The following BRINP3 variants were observed in gnomAD, a reference collection of about 807,000 sequenced individuals.
BRINP3 encodes the protein BMP/retinoic acid inducible neural specific 3, also known as BMP/retinoic acid-inducible neural-specific protein 3.
BRINP3 carries 19 observed loss-of-function variants against 71.0 expected under a neutral mutation model. The ratio of observed to expected loss-of-function variants is 0.27; its 90% confidence interval spans 0.19 to 0.39. The LOEUF is 0.39. Among genes scored for constraint, BRINP3 ranks in the 10% least tolerant of loss-of-function variants. The pLI is 1.00. For missense variants in BRINP3, 959 were observed against 940.8 expected (o/e 1.02, Z -0.25); for synonymous variants, 380 against 337.7 (o/e 1.13, Z -1.37).
Position 190,137,266 on chromosome 1 carries a change from G to A in BRINP3, c.1184+23402C>T, listed in dbSNP as rs77520047. Among the ~76,000 whole-genome samples, 269 of 152,146 alleles carry A rather than the reference G, an allele frequency of 1.8e-3. 2 individuals are homozygous for A. The highest frequency in any genetic ancestry group is 5.9e-3 in the African/African-American group (246 of 41,534). ...GAGCTATGAAGAATTATAGATGAAA[G>A]AGAGCAAATAAGGATGCCAGTTTAT... is the stretch of plus-strand genomic sequence containing the variant. On this transcript the variant is annotated intron_variant, in intron 7 of 7. Coordinates refer to ENST00000367462, the MANE Select transcript of BRINP3 (RefSeq NM_199051.3).
At chr1:190,406,521 T>C (rs1159541401) in intron 2 of BRINP3, among the ~76,000 whole-genome samples, 3 of 152,186 alleles carry the variant, frequency 2.0e-5, no homozygotes, top group East Asian at 1.9e-4. Flanking sequence ...AGTTTGACTT[T>C]TCATCTACTT....
rs752554593 is a variant in BRINP3, at chr1:190,265,064, A to G, written c.428-9T>C. The G allele has an allele frequency of 4.8e-5, 76 of 1,579,614 alleles. 3 individuals carry two copies. In the South Asian group the frequency reaches 8.7e-4, roughly 18 times the overall value. On this transcript the variant is annotated splice_polypyrimidine_tract_variant and intron_variant, in intron 3 of 7. Transcript: ENST00000367462. ...TGTGAGTGACTCCTCTCCTGCATTAATAATATTTCAAATTATTCAATTTTC... is the reference window on the plus strand; with the variant it reads ...TGTGAGTGACTCCTCTCCTGCATTAGTAATATTTCAAATTATTCAATTTTC...
At chr1:190,370,505 A>G (rs1334174596) in intron 2 of BRINP3, among the ~76,000 whole-genome samples, 1 of 152,220 alleles carries the variant, frequency 6.6e-6, no homozygotes, top group Non-Finnish European at 1.5e-5. Context: ...AAAATATATA[A>G]CAGTGGATTC....
intron 2 of BRINP3, among the ~76,000 whole-genome samples, chr1:190,312,017 C>A (rs1665556723): frequency 9.3e-6 from 1 of 106,992 alleles, no homozygotes; most frequent in Non-Finnish European, 1.9e-5. Flanking sequence ...ATAAAAAATA[C>A]ATGATATTTG....
At chr1:190,425,700 C>T (rs1458594953) in intron 2 of BRINP3, among the ~76,000 whole-genome samples, 5 of 151,764 alleles carry the variant, frequency 3.3e-5, no homozygotes, top group Non-Finnish European at 3.0e-5. Flanking sequence ...GGCTTAGCCA[C>T]GTACAATGTT....
chr1:190,204,591 CA>C (rs2102626133), intron 6 of BRINP3, among the ~76,000 whole-genome samples: 1 of 151,902 alleles, frequency 6.6e-6, no homozygotes, highest in African/African-American at 2.4e-5. Flanking sequence ...CTTCAGAAAA[CA>C]TGAATAATCT....
In BRINP3 at chr1:190,456,362, G is replaced by A. The variant is rs557021216; in HGVS notation, c.-50-1422C>T. ...AATCATATGAGTTGCTCACTGAGGG[G>A]ATTAAAGCGTACCGTCTTTTGTAAA... On this transcript the variant is annotated intron_variant, in intron 1 of 7. Coordinates refer to ENST00000367462, the MANE Select transcript of BRINP3 (RefSeq NM_199051.3). Among the ~76,000 whole-genome samples the A allele has an allele frequency of 2.6e-5, 4 of 152,152 alleles. No homozygotes were observed. In the South Asian group the frequency reaches 8.3e-4, roughly 31 times the overall value.
chr1:190,435,819 T>C (rs1037753715), intron 2 of BRINP3, among the ~76,000 whole-genome samples: 45 of 152,140 alleles, frequency 3.0e-4, no homozygotes, highest in Admixed American at 6.5e-4. Context: ...GACAAGTTTA[T>C]TGTTAGAGAA....
At chr1:190,396,569 A>C (rs1199349121) in intron 2 of BRINP3, among the ~76,000 whole-genome samples, 1 of 151,468 alleles carries the variant, frequency 6.6e-6, no homozygotes, top group East Asian at 1.9e-4. Context: ...AGTGGCCATC[A>C]ATTATTTTCT....
intron 7 of BRINP3, among the ~76,000 whole-genome samples, chr1:190,133,356 C>T (rs1211681303): frequency 6.6e-6 from 1 of 151,978 alleles, no homozygotes; most frequent in Non-Finnish European, 1.5e-5. Context: ...TACTGTCTTA[C>T]TGAAAATAAA....
intron 7 of BRINP3, among the ~76,000 whole-genome samples, chr1:190,158,057 A>T (rs1423356721): frequency 6.6e-6 from 1 of 152,124 alleles, no homozygotes; most frequent in Non-Finnish European, 1.5e-5. Context: ...GTGGGAACTG[A>T]TATAGTTTGG....
At chr1:190,395,459 T>C (rs993534005) in intron 2 of BRINP3, among the ~76,000 whole-genome samples, 4 of 151,786 alleles carry the variant, frequency 2.6e-5, no homozygotes, top group African/African-American at 9.7e-5. Context: ...CTCCAGATTT[T>C]CTAATGTATT....
intron 4 of BRINP3, among the ~76,000 whole-genome samples, chr1:190,248,682 A>G (rs1328114662): frequency 1.3e-5 from 2 of 151,904 alleles, no homozygotes; most frequent in African/African-American, 4.8e-5. Context: ...AAAACATAGT[A>G]CATATATTCA....
chr1:190,336,254 C>A (rs956724911), intron 2 of BRINP3, among the ~76,000 whole-genome samples: 1 of 152,014 alleles, frequency 6.6e-6, no homozygotes, highest in Non-Finnish European at 1.5e-5. Flanking sequence ...CCTTGAGATA[C>A]TTGGAAGATT....
chr1:190,347,581 T>C (rs1414768006), intron 2 of BRINP3, among the ~76,000 whole-genome samples: 2 of 152,198 alleles, frequency 1.3e-5, no homozygotes, highest in Non-Finnish European at 2.9e-5. Flanking sequence ...TCTATATGCA[T>C]TCAGTAAATA....
At chr1:190,444,074 A>G (rs892877349) in intron 2 of BRINP3, among the ~76,000 whole-genome samples, 1 of 151,960 alleles carries the variant, frequency 6.6e-6, no homozygotes, top group Non-Finnish European at 1.5e-5. Context: ...CTCTACTAAA[A>G]GTACAAAATT....
In BRINP3 at chr1:190,127,808, T is replaced by C. The variant is rs186806071; in HGVS notation, c.1185-28674A>G. Among the ~76,000 whole-genome samples the C allele has an allele frequency of 7.2e-3, 1,101 of 151,970 alleles. 7 individuals carry two copies. The highest frequency in any genetic ancestry group is 0.013 in the Non-Finnish European group (876 of 67,830). On this transcript the variant is annotated intron_variant, in intron 7 of 7. Coordinates refer to ENST00000367462, the MANE Select transcript of BRINP3 (RefSeq NM_199051.3). ...TGACTACAAGAAACTGAGTCCTTTCTAATTTTTTTTGGACTGGGAGAGTGA... is the reference window on the plus strand; with the variant it reads ...TGACTACAAGAAACTGAGTCCTTTCCAATTTTTTTTGGACTGGGAGAGTGA...
intron 6 of BRINP3, among the ~76,000 whole-genome samples, chr1:190,221,013 T>A (rs1189852167): frequency 1.3e-5 from 2 of 151,930 alleles, no homozygotes; most frequent in Admixed American, 1.3e-4. Context: ...AACAGAGGAG[T>A]TCGAGACCAG....
At chr1:190,464,860 C>G (rs1274959885) in intron 1 of BRINP3, among the ~76,000 whole-genome samples, 1 of 151,954 alleles carries the variant, frequency 6.6e-6, no homozygotes, top group African/African-American at 2.4e-5. Context: ...TTTATTTTAG[C>G]TGATCAGGCA....
Sources: gnomAD v4.1 joint callset for allele counts (sites outside exome capture counted in the v4.1 genomes callset) on GRCh38, gnomAD v4.1.1 for gene constraint, MANE v1.5 for transcripts, NCBI Gene and HGNC (gene_info 2026-07-23, HGNC 2026-07-21) for gene names.